Variants in ACAP2 observed in about 807,000 individuals in gnomAD.
The protein encoded by ACAP2 is arf-GAP with coiled-coil, ANK repeat and PH domain-containing protein 2.
A neutral mutation model predicts 115.8 loss-of-function variants in ACAP2; 39 were observed. That is an observed-to-expected ratio of 0.34 (90% CI 0.26 to 0.44). ACAP2 has a LOEUF of 0.44. ACAP2 is among the 20% of genes least tolerant of loss of function. The probability of loss-of-function intolerance (pLI) is 1.00; values close to 1 mark genes in which losing one functional copy is unlikely to be tolerated. For missense variants in ACAP2, 662 were observed against 927.6 expected (o/e 0.71, Z 3.72); for synonymous variants, 289 against 315.8 (o/e 0.92, Z 0.90).
intron 1 of ACAP2, among the ~76,000 whole-genome samples, chr3:195,408,485 G>A (rs907140449): frequency 6.6e-6 from 1 of 151,954 alleles, no homozygotes. Context: ...AAAAAATTAA[G>A]TCCTAGACCT....
rs535768033 is a variant in ACAP2 at position 195,363,129 on chromosome 3, C to G, written c.286-17812G>C. 1.4e-4 allele frequency among the ~76,000 whole-genome samples: 21 copies of G among 152,264 alleles called. No individual in the cohort carries two copies. The South Asian group carries it at 4.4e-3, about 32-fold the overall frequency. On this transcript the variant is annotated intron_variant, in intron 4 of 22. Transcript: ENST00000326793. ...GGATACAAAATCAACACACAAAAATCAGTAGCATTTCCATAGGCCAACAGT... is the reference window on the plus strand; with the variant it reads ...GGATACAAAATCAACACACAAAAATGAGTAGCATTTCCATAGGCCAACAGT...
chr3:195,323,252 G>A (rs971137188), intron 9 of ACAP2, among the ~76,000 whole-genome samples: 1 of 151,968 alleles, frequency 6.6e-6, no homozygotes. Flanking sequence ...CAAAAAAAGA[G>A]TACAAGATTG....
Position 195,354,236 on chromosome 3 carries a change from A to G in ACAP2, c.286-8919T>C, listed in dbSNP as rs1435286218. On this transcript the variant is annotated intron_variant, in intron 4 of 22. Coordinates refer to ENST00000326793, the MANE Select transcript of ACAP2 (RefSeq NM_012287.6). ...ATGTACGTATGCATTTTCTTTATCCAGTCTACCACTGATGGGCATTTAGGT... is the reference window on the plus strand; with the variant it reads ...ATGTACGTATGCATTTTCTTTATCCGGTCTACCACTGATGGGCATTTAGGT... Among the ~76,000 whole-genome samples, 3 of 152,216 alleles carry G rather than the reference A, an allele frequency of 2.0e-5. No individual in the cohort carries two copies. In the East Asian group the frequency reaches 5.8e-4, roughly 29 times the overall value.
At chr3:195,424,930 A>G (rs1158840950) in intron 1 of ACAP2, among the ~76,000 whole-genome samples, 1 of 146,946 alleles carries the variant, frequency 6.8e-6, no homozygotes, top group African/African-American at 2.5e-5. Flanking sequence ...AAAAAAAAAA[A>G]AAAAAAAAAA....
At chr3:195,408,623 G>A (rs754895732) in intron 1 of ACAP2, among the ~76,000 whole-genome samples, 2 of 152,164 alleles carry the variant, frequency 1.3e-5, no homozygotes, top group South Asian at 2.1e-4. Context: ...GCATTACCCT[G>A]ATACCAAAGC....
At chr3:195,373,001 A>AAAAAAAAAAAAAAAAAAAAAAAAAAAAC in intron 4 of ACAP2, among the ~76,000 whole-genome samples, 1 of 149,390 alleles carries the variant, frequency 6.7e-6, no homozygotes, top group African/African-American at 2.5e-5. Context: ...AAAAAAAAAA[A>AAAAAAAAAAAAAAAAAAAAAAAAAAAAC]AAAAAAAAAA....
At chr3:195,338,057 A>G (rs1730632458) in intron 6 of ACAP2, among the ~76,000 whole-genome samples, 1 of 151,610 alleles carries the variant, frequency 6.6e-6, no homozygotes, top group Admixed American at 6.6e-5. Context: ...TCTCCTACCA[A>G]TCAGGTCTCA....
chr3:195,402,994 T>C lies in ACAP2; in HGVS notation c.54-10847A>G, dbSNP rs187661825. On this transcript the variant is annotated intron_variant, in intron 1 of 22. Transcript: ENST00000326793. ...ACAGTAAACATCATCAATAAGTCAA[T>C]TGGATGGTATGCGATAAGGTGGTAA... Among the ~76,000 whole-genome samples, 24 of 152,128 alleles carry C rather than the reference T, an allele frequency of 1.6e-4. No individual in the cohort carries two copies. The East Asian group carries it at 2.5e-3, about 16-fold the overall frequency.
At chr3:195,415,652 A>G (rs1393548656) in intron 1 of ACAP2, among the ~76,000 whole-genome samples, 1 of 152,182 alleles carries the variant, frequency 6.6e-6, no homozygotes, top group Non-Finnish European at 1.5e-5. Context: ...ATACCAGATA[A>G]ACCACTTACT....
intron 1 of ACAP2, among the ~76,000 whole-genome samples, chr3:195,435,378 T>C (rs1715458344): frequency 6.6e-6 from 1 of 151,978 alleles, no homozygotes; most frequent in Non-Finnish European, 1.5e-5. Flanking sequence ...TTTCACCATG[T>C]TGGTCTCTCA....
intron 1 of ACAP2, among the ~76,000 whole-genome samples, chr3:195,434,682 T>C (rs878866915): frequency 2.0e-5 from 3 of 152,262 alleles, no homozygotes; most frequent in East Asian, 1.9e-4. Flanking sequence ...TAATTCATCT[T>C]TGAACACTTG....
At chr3:195,404,486 T>C (rs947760503) in intron 1 of ACAP2, among the ~76,000 whole-genome samples, 1 of 152,076 alleles carries the variant, frequency 6.6e-6, no homozygotes, top group African/African-American at 2.4e-5. Context: ...TGTTCCCAAC[T>C]AGATACCCTG....
chr3:195,381,861 C>CTT, intron 3 of ACAP2, 42 bp downstream of exon 3: 2 of 1,385,794 alleles, frequency 1.4e-6, no homozygotes, highest in South Asian at 1.4e-5. Context: ...TGTCTTATTG[C>CTT]TTTTTTTTTT....
At chr3:195,288,990 T>A in intron 21 of ACAP2, 131 bp downstream of exon 21, 1 of 616,828 alleles carries the variant, frequency 1.6e-6, no homozygotes, top group Non-Finnish European at 2.8e-6. Flanking sequence ...ATACATACCA[T>A]TTTATATAAG....
chr3:195,358,595 G>A (rs981346539), intron 4 of ACAP2, among the ~76,000 whole-genome samples: 6 of 152,028 alleles, frequency 3.9e-5, no homozygotes, highest in African/African-American at 1.2e-4. Context: ...TTTAAAGAAC[G>A]TATCAGAGTC....
chr3:195,312,578 C>T (rs1292933536), intron 10 of ACAP2, among the ~76,000 whole-genome samples: 1 of 151,940 alleles, frequency 6.6e-6, no homozygotes, highest in African/African-American at 2.4e-5. Flanking sequence ...GTGATCCTCC[C>T]ACCTCAGCCT....
intron 10 of ACAP2, among the ~76,000 whole-genome samples, chr3:195,316,042 T>C (rs1191186924): frequency 6.6e-6 from 1 of 152,198 alleles, no homozygotes. Context: ...CTTAACATAA[T>C]GGTATGTTTC....
intron 4 of ACAP2, chr3:195,355,974 C>T (rs1007454235): frequency 1.4e-5 from 5 of 367,972 alleles, no homozygotes; most frequent in African/African-American, 6.3e-5. Context: ...AAGCCTCCAC[C>T]GATTGTCCTC....
chr3:195,289,674 C>T (rs907377551), intron 20 of ACAP2, among the ~76,000 whole-genome samples: 20 of 151,234 alleles, frequency 1.3e-4, no homozygotes, highest in East Asian at 1.2e-3. Flanking sequence ...GGTGTGGTGG[C>T]GGACGCCTGT....
Sources: allele counts gnomAD v4.1 joint callset (sites outside exome capture counted in the v4.1 genomes callset), GRCh38; gene constraint gnomAD v4.1.1; transcripts MANE v1.5; gene names NCBI Gene and HGNC (gene_info 2026-07-23, HGNC 2026-07-21).